The following LRP1 variants were observed in gnomAD, a reference collection of about 807,000 sequenced individuals.
LRP1 encodes the protein prolow-density lipoprotein receptor-related protein 1.
Under a neutral mutation model 541.5 loss-of-function variants are expected in LRP1, and 51 were observed. The observed-to-expected ratio is 0.09, with a 90% confidence interval of 0.08 to 0.12. LRP1 has a LOEUF of 0.12. Ranked by LOEUF, LRP1 falls within the 10% of genes least tolerant of loss-of-function variation. The pLI is 1.00. For synonymous variants in LRP1, 2,219 were observed against 2,470.8 expected (o/e 0.90, Z 3.02); for missense variants, 3,878 against 6,376.2 (o/e 0.61, Z 13.34).
rs2036454535 is a variant in LRP1 at position 57,193,236 on chromosome 12, A to G, written c.7616A>G (p.Asn2539Ser). The G allele has an allele frequency of 1.2e-6, 2 of 1,614,154 alleles. No homozygotes were observed. The highest frequency in any genetic ancestry group is 1.7e-6 in the Non-Finnish European group (2 of 1,180,038). Residue 2539 changes from asparagine to serine, a missense_variant, in exon 46 of 89, where the codon AAC becomes AGC. Transcript: ENST00000243077. ...EFECANGECINFSLTCDGVPH... is the reference protein window; with the variant it reads ...EFECANGECISFSLTCDGVPH... The stretch of plus-strand genomic sequence containing the variant: ...GAGTGTGCCAATGGCGAGTGCATCA[A>G]CTTCAGCCTGACCTGCGACGGCGTC...
rs2035824004 is a variant in LRP1 at position 57,165,685 on chromosome 12, G to A, written c.2531-120G>A. ...TTGTTTCATGAGGAATTTTGTACTA[G>A]AAAAAATTACTTTGTATTATTAAAA... is the stretch of plus-strand genomic sequence containing the variant. On this transcript the variant is annotated intron_variant, in intron 15 of 88. Coordinates refer to ENST00000243077, the MANE Select transcript of LRP1 (RefSeq NM_002332.3). This position sits in a 1 kb window ranked among gnomAD's most constrained non-coding sequence, Gnocchi z 4.5. The A allele has an allele frequency of 9.7e-7, 1 of 1,028,774 alleles. No individual in the cohort carries two copies. The highest frequency in any genetic ancestry group is 1.4e-6 in the Non-Finnish European group (1 of 712,356). The allele number at this position is 1,028,774 out of a possible 1,614,324, so 63.7% of individuals were successfully genotyped here.
Position 57,197,627 on chromosome 12 carries a change from T to G in LRP1, c.9245T>G (p.Met3082Arg), listed in dbSNP as rs1337429445. 2 of 1,613,948 alleles carry G rather than the reference T, an allele frequency of 1.2e-6. No individual in the cohort carries two copies. The highest frequency in any genetic ancestry group is 1.7e-6 in the Non-Finnish European group (2 of 1,179,996). ...ACAGATGTGACCACCCAGGGCAGCA[T>G]GATCCGAAGGATGCACCTTAACGGG... ...YWTDVTTQGS[M>R]IRRMHLNGSN... The change falls in exon 58 of 89, where the codon ATG becomes AGG. Residue 3082 changes from methionine to arginine, a missense_variant. Coordinates refer to ENST00000243077, the MANE Select transcript of LRP1 (RefSeq NM_002332.3). The surrounding 1 kb of genome is among the most constrained non-coding windows in gnomAD (Gnocchi z 4.5).
Position 57,201,133 on chromosome 12 carries a change from G to C in LRP1, c.10325G>C (p.Gly3442Ala). Residue 3442 changes from glycine to alanine, a missense_variant, in exon 65 of 89, where the codon GGG (glycine) becomes GCG (alanine). Physicochemically the swap from Gly to Ala is moderately conservative, Grantham distance 60 (BLOSUM62 0). Around this residue, in one of 13 missense-constraint regions of LRP1, gnomAD observed 278 missense variants for 536.3 expected, o/e 0.52. Transcript: ENST00000243077. The surrounding 1 kb of genome is among the most constrained non-coding windows in gnomAD (Gnocchi z 6.4). ...AATGGGCAGGACAACTGCGGAGATG[G>C]GGAGGATGAGAGGGACTGCCGTGAG... Reference protein sequence around the residue: ...RCNGQDNCGDGEDERDCPEVT... With the variant: ...RCNGQDNCGDAEDERDCPEVT... 2 of 1,613,736 alleles carry C rather than the reference G, an allele frequency of 1.2e-6. No individual in the cohort carries two copies. Among genetic ancestry groups the C allele is most frequent in the African/African-American group, 2.7e-5 (2 of 74,974 alleles).
intron 20 of LRP1, among the ~76,000 whole-genome samples, chr12:57,171,033 G>A (rs192645218): frequency 4.6e-4 from 70 of 152,218 alleles, no homozygotes; most frequent in East Asian, 9.7e-4. Flanking sequence ...TAGTAATTGC[G>A]TCTCCAGGGC....
At chr12:57,143,649 T>C in intron 3 of LRP1, 30 bp from the exon 4 acceptor site, 1 of 1,598,106 alleles carries the variant, frequency 6.3e-7, no homozygotes, top group Non-Finnish European at 8.6e-7. Context: ...TCTGGCGGCC[T>C]GAATATGTGT....
intron 44 of LRP1, 82 bp from the exon 45 acceptor site, chr12:57,192,753 CTCCATGAAGT>C: frequency 1.9e-6 from 3 of 1,543,332 alleles, no homozygotes; most frequent in Non-Finnish European, 2.7e-6. Context: ...GGCTTGGGAG[CTCCATGAAGT>C]CAGTGAATGG....
In LRP1 at chr12:57,159,814, TC is replaced by T. The variant is rs1565725066; in HGVS notation, c.1799-6del. The T allele has an allele frequency of 6.2e-7, 1 of 1,613,434 alleles. No homozygotes were observed. The highest frequency in any genetic ancestry group is 8.5e-7 in the Non-Finnish European group (1 of 1,179,432). The stretch of plus-strand genomic sequence containing the variant: ...GAAGCTGTTCATCACTGGTCCCTCT[TC>T]CCCCAACAGGCATCCACAATGTGGA... On this transcript the variant is annotated splice_polypyrimidine_tract_variant and intron_variant, in intron 11 of 88. Transcript: ENST00000243077.
chr12:57,211,296 G>A lies in LRP1; in HGVS notation c.13037G>A (p.Arg4346His), dbSNP rs752209329. ...GSRCEVNKCSRCLEGACVVNK... is the reference protein window; with the variant it reads ...GSRCEVNKCSHCLEGACVVNK... ...AGGTGTGAGGTGAACAAGTGCAGCCGCTGTCTCGAAGGGGCCTGTGTGGTC... is the reference window on the plus strand; with the variant it reads ...AGGTGTGAGGTGAACAAGTGCAGCCACTGTCTCGAAGGGGCCTGTGTGGTC... Residue 4346 changes from arginine (R) to histidine (H), a missense_variant, in exon 84 of 89, where the codon CGC becomes CAC. Arg to His is a conservative substitution (Grantham distance 29). Around this residue, in one of 13 missense-constraint regions of LRP1, gnomAD observed 871 missense variants for 1,212.4 expected, o/e 0.72. Transcript: ENST00000243077. This position sits in a 1 kb window ranked among gnomAD's most constrained non-coding sequence, Gnocchi z 4.3. The A allele has an allele frequency of 3.1e-6, 5 of 1,614,180 alleles. No individual in the cohort carries two copies. The highest frequency in any genetic ancestry group is 1.3e-5 in the African/African-American group (1 of 75,058).
At chr12:57,172,066 T>C (rs966063487) in intron 20 of LRP1, among the ~76,000 whole-genome samples, 6 of 150,250 alleles carry the variant, frequency 4.0e-5, no homozygotes, top group Admixed American at 6.6e-5. Context: ...TTTTTTCTTT[T>C]TTTTTTTTTT....
Position 57,198,673 on chromosome 12 carries a change from C to T in LRP1, c.9676+3C>T, listed in dbSNP as rs761123721. Reference sequence around the variant, plus strand: ...GGATGGCTCCAATCGCCACGTTGGTCAGTGTGCCAGTGAGGCTGTCCAGGC... The same window carrying T: ...GGATGGCTCCAATCGCCACGTTGGTTAGTGTGCCAGTGAGGCTGTCCAGGC... On this transcript the variant is annotated splice_donor_region_variant and intron_variant, in intron 60 of 88. Coordinates refer to ENST00000243077, the MANE Select transcript of LRP1 (RefSeq NM_002332.3). The T allele has an allele frequency of 6.2e-7, 1 of 1,602,786 alleles. No individual in the cohort carries two copies. The highest frequency in any genetic ancestry group is 8.5e-7 in the Non-Finnish European group (1 of 1,175,098).
chr12:57,162,474 C>T lies in LRP1; in HGVS notation c.2360C>T (p.Pro787Leu), dbSNP rs1472099385. ...PTVTLLRSER[P>L]PIFEIRMYDA... ...GTGACCCTTCTGCGCAGTGAGCGGC[C>T]CCCCATCTTTGAGATCCGAATGTAT... Residue 787 changes from proline (P) to leucine (L), a missense_variant, in exon 14 of 89, where the codon CCC (proline) becomes CTC (leucine). By Grantham distance (98) the Pro-to-Leu change is moderately conservative. Transcript: ENST00000243077. The surrounding 1 kb of genome is among the most constrained non-coding windows in gnomAD (Gnocchi z 5.2). 1 of 1,614,056 alleles carries T rather than the reference C, an allele frequency of 6.2e-7. No homozygotes were observed. Among genetic ancestry groups the T allele is most frequent in the Admixed American group, 1.7e-5 (1 of 60,014 alleles).
intron 34 of LRP1, among the ~76,000 whole-genome samples, chr12:57,182,765 G>A (rs1164613376): frequency 6.6e-6 from 1 of 151,960 alleles, no homozygotes; most frequent in African/African-American, 2.4e-5. Flanking sequence ...GTGGTGAGCC[G>A]AGATCGCGTC....
In LRP1 at chr12:57,204,942, C is replaced by A; in HGVS notation, c.11195-167C>A. On this transcript the variant is annotated intron_variant, in intron 72 of 88. Transcript: ENST00000243077. This position sits in a 1 kb window ranked among gnomAD's most constrained non-coding sequence, Gnocchi z 5.3. Reference sequence around the variant, plus strand: ...CCCCTGGGGAAGGCTCTGGGGGCTGCCTGATGCCTTAGGTCTTGGAGGTGG... The same window carrying A: ...CCCCTGGGGAAGGCTCTGGGGGCTGACTGATGCCTTAGGTCTTGGAGGTGG... The A allele has an allele frequency of 1.5e-6, 2 of 1,319,676 alleles. No individual in the cohort carries two copies. The highest frequency in any genetic ancestry group is 2.1e-6 in the Non-Finnish European group (2 of 968,072). The allele number at this position is 1,319,676 out of a possible 1,614,324, so 81.7% of individuals were successfully genotyped here. A position where few individuals can be genotyped will look rare whatever the true frequency, so the allele number is the denominator to read the frequency against.
chr12:57,192,708 G>A lies in LRP1; in HGVS notation c.7430-137G>A, dbSNP rs1043613143. On this transcript the variant is annotated intron_variant, in intron 44 of 88. Coordinates refer to ENST00000243077, the MANE Select transcript of LRP1 (RefSeq NM_002332.3). ...AGCCATCCCCATGCCCTCCCCACTGGCTGCAAGCCGCTGTGCCTGCCGTGA... is the reference window on the plus strand; with the variant it reads ...AGCCATCCCCATGCCCTCCCCACTGACTGCAAGCCGCTGTGCCTGCCGTGA... The A allele has an allele frequency of 2.7e-5, 33 of 1,224,056 alleles. No homozygotes were observed. The Admixed American group carries it at 5.8e-4, about 22-fold the overall frequency. 75.8% of individuals were successfully genotyped at this position (1,224,056 alleles called of 1,614,324 possible).
chr12:57,189,498 C>T lies in LRP1; in HGVS notation c.7032-1307C>T, dbSNP rs1358102549. The stretch of plus-strand genomic sequence containing the variant: ...AGATCAGAGCTTCTCACGAGCTCGC[C>T]GAGGCTCAGGGCAGCCAGTGTCTCC... On this transcript the variant is annotated intron_variant, in intron 42 of 88. Transcript: ENST00000243077. This position sits in a 1 kb window ranked among gnomAD's most constrained non-coding sequence, Gnocchi z 4.4. 2.0e-5 allele frequency among the ~76,000 whole-genome samples: 3 copies of T among 152,154 alleles called. No homozygotes were observed. Among genetic ancestry groups the T allele is most frequent in the South Asian group, 2.1e-4 (1 of 4,826 alleles).
Position 57,199,995 on chromosome 12 carries a change from C to T in LRP1, c.9984C>T (p.Arg3328=), listed in dbSNP as rs1238487170. The change falls in exon 62 of 89, where the codon CGC becomes CGT. Residue 3328 remains arginine, a synonymous_variant. Transcript: ENST00000243077. ...PTNFYLGSDG[R]TCVSNCTASQ... is the part of the protein sequence containing the mutation. ...ACTTCTACCTGGGCAGCGATGGGCGCACCTGTGTGTCCAACTGCACGGCTA... is the reference window on the plus strand; with the variant it reads ...ACTTCTACCTGGGCAGCGATGGGCGTACCTGTGTGTCCAACTGCACGGCTA... 3.8e-6 allele frequency: 6 copies of T among 1,597,118 alleles called. No homozygotes were observed. Among genetic ancestry groups the T allele is most frequent in the Non-Finnish European group, 5.1e-6 (6 of 1,174,994 alleles).
At chr12:57,209,975 G>A (rs2036871173) in intron 80 of LRP1, 54 bp from the exon 81 acceptor site, 7 of 1,585,044 alleles carry the variant, frequency 4.4e-6, no homozygotes, top group Middle Eastern at 1.7e-4. Flanking sequence ...TGGGCTCACA[G>A]GGCTCAGAGA....
At position 57,166,896 on chromosome 12, in the gene LRP1, A is replaced by G. The variant is rs746895703; in HGVS notation, c.2798-34A>G. On this transcript the variant is annotated intron_variant, in intron 17 of 88. Coordinates refer to ENST00000243077, the MANE Select transcript of LRP1 (RefSeq NM_002332.3). ...AAGAGGCAGTGAAGAGAGGGTCAGGACAATGAGTACTCACACCCATCCCTG... is the reference window on the plus strand; with the variant it reads ...AAGAGGCAGTGAAGAGAGGGTCAGGGCAATGAGTACTCACACCCATCCCTG... 6 of 1,102,450 alleles carry G rather than the reference A, an allele frequency of 5.4e-6. No homozygotes were observed. In the Admixed American group the frequency reaches 1.0e-4, roughly 19 times the overall value. The allele number at this position is 1,102,450 out of a possible 1,614,324, so 68.3% of individuals were successfully genotyped here. A position where few individuals can be genotyped will look rare whatever the true frequency, so the allele number is the denominator to read the frequency against.
chr12:57,172,655 C>A (rs956957539), intron 20 of LRP1, among the ~76,000 whole-genome samples: 1 of 152,212 alleles, frequency 6.6e-6, no homozygotes, highest in Non-Finnish European at 1.5e-5. Context: ...AGATCACCCC[C>A]ATCCCTCTCA....
Sources: gnomAD v4.1 joint callset for allele counts (sites outside exome capture counted in the v4.1 genomes callset) on GRCh38, gnomAD v4.1.1 for gene constraint, gnomAD v4.1.1 regional missense constraint, Gnocchi (gnomAD v3.1) non-coding constraint, MANE v1.5 for transcripts, NCBI Gene and HGNC (gene_info 2026-07-23, HGNC 2026-07-21) for gene names.